The following PLXNC1 variants were observed in gnomAD, a reference collection of about 807,000 sequenced individuals.
PLXNC1 encodes the protein plexin-C1.
PLXNC1 carries 75 observed loss-of-function variants against 178.2 expected under a neutral mutation model. The ratio of observed to expected loss-of-function variants is 0.42; its 90% CI spans 0.35 to 0.51. The LOEUF is 0.51. Among genes scored for constraint, PLXNC1 ranks in the 20% least tolerant of loss-of-function variants. The probability of loss-of-function intolerance (pLI) is 0.02; values close to 1 mark genes in which losing one functional copy is unlikely to be tolerated. For missense variants in PLXNC1, 1,503 were observed against 1,984.4 expected (o/e 0.76, Z 4.61); for synonymous variants, 790 against 779.9 (o/e 1.01, Z -0.22).
chr12:94,301,719 A>G (rs574935875), intron 28 of PLXNC1, among the ~76,000 whole-genome samples: 40 of 150,366 alleles, frequency 2.7e-4, no homozygotes, highest in African/African-American at 9.8e-4. Context: ...ACCTGGAATG[A>G]ATGGAGACTG....
At chr12:94,245,290 C>T (rs994516920) in intron 12 of PLXNC1, among the ~76,000 whole-genome samples, 1 of 152,202 alleles carries the variant, frequency 6.6e-6, no homozygotes, top group Non-Finnish European at 1.5e-5. Context: ...TTTTTGAGCA[C>T]CTACTGCAGG....
intron 4 of PLXNC1, among the ~76,000 whole-genome samples, chr12:94,202,998 G>A (rs1963187915): frequency 6.6e-6 from 1 of 152,182 alleles, no homozygotes. Context: ...GAGTAACCCA[G>A]ATGTTGATGT....
Position 94,303,437 on chromosome 12 carries a change from T to C in PLXNC1, c.4387-319T>C, listed in dbSNP as rs557965058. On this transcript the variant is annotated intron_variant, in intron 28 of 30. Transcript: ENST00000258526. ...TACAACCATTAGTAATGAACTATGA[T>C]TGAAATAAGTTCCATTGTTACAGTA... Among the ~76,000 whole-genome samples, 43 of 152,222 alleles carry C rather than the reference T, an allele frequency of 2.8e-4. 1 individual carries two copies. The highest frequency in any genetic ancestry group is 7.3e-5 in the Non-Finnish European group (5 of 68,034).
intron 9 of PLXNC1, among the ~76,000 whole-genome samples, chr12:94,234,506 T>C (rs1444154063): frequency 6.6e-6 from 1 of 152,246 alleles, no homozygotes; most frequent in Non-Finnish European, 1.5e-5. Flanking sequence ...GTTTATTAAA[T>C]AAGTTCAAAT....
intron 22 of PLXNC1, chr12:94,280,182 A>G: frequency 4.6e-6 from 1 of 215,908 alleles, no homozygotes; most frequent in Non-Finnish European, 9.4e-6. Context: ...CTATGAATTC[A>G]TTTTCGGGCT....
chr12:94,159,143 T>C (rs1457029203), intron 1 of PLXNC1, among the ~76,000 whole-genome samples: 1 of 152,236 alleles, frequency 6.6e-6, no homozygotes, highest in Non-Finnish European at 1.5e-5. Flanking sequence ...TATATCATGG[T>C]AAATAGGGTA....
intron 2 of PLXNC1, 131 bp downstream of exon 2, chr12:94,169,424 C>A: frequency 1.4e-6 from 1 of 703,284 alleles, no homozygotes; most frequent in Non-Finnish European, 2.4e-6. Flanking sequence ...CTTAAAGACC[C>A]CCAGAAATGG....
At chr12:94,241,402 A>G (rs2136052781) in intron 11 of PLXNC1, among the ~76,000 whole-genome samples, 1 of 152,320 alleles carries the variant, frequency 6.6e-6, no homozygotes. Context: ...AATATGCAAT[A>G]AATTATTGTG....
At chr12:94,301,087 G>T in intron 28 of PLXNC1, 30 bp downstream of exon 28, 1 of 1,605,478 alleles carries the variant, frequency 6.2e-7, no homozygotes, top group Non-Finnish European at 8.5e-7. Flanking sequence ...TTTCTTGTAT[G>T]CAGTCTTATG....
chr12:94,149,732 C>G lies in PLXNC1; in HGVS notation c.761C>G (p.Thr254Arg), dbSNP rs1458888920. The change falls in exon 1 of 31, where the codon ACG (threonine) becomes AGG (arginine). Residue 254 changes from threonine (T) to arginine (R), a missense_variant. Thr to Arg is a moderately conservative substitution (Grantham distance 71). This residue lies in a region of PLXNC1 where 615 missense variants were observed against 698.6 expected (regional missense o/e 0.88). Transcript: ENST00000258526. ...TTCCCCTACTACCCCTACAACTACACGAGCGGCGCTGCCACCGGCTGGCCC... is the reference window on the plus strand; with the variant it reads ...TTCCCCTACTACCCCTACAACTACAGGAGCGGCGCTGCCACCGGCTGGCCC... ...IYFPYYPYNY[T>R]SGAATGWPSM... 4 of 1,611,904 alleles carry G rather than the reference C, an allele frequency of 2.5e-6. No individual in the cohort carries two copies. Among genetic ancestry groups the G allele is most frequent in the East Asian group, 2.2e-5 (1 of 44,798 alleles).
chr12:94,211,196 T>G (rs1405447603), intron 5 of PLXNC1, among the ~76,000 whole-genome samples: 5 of 152,194 alleles, frequency 3.3e-5, no homozygotes. Context: ...CGACCACTGG[T>G]GTTTTCTTCC....
intron 23 of PLXNC1, among the ~76,000 whole-genome samples, chr12:94,293,988 C>G (rs1967634926): frequency 6.6e-6 from 1 of 152,050 alleles, no homozygotes; most frequent in Admixed American, 6.6e-5. Flanking sequence ...TAGTCACCTC[C>G]CAAAGGCCCT....
At chr12:94,280,165 G>T in intron 22 of PLXNC1, 1 of 232,130 alleles carries the variant, frequency 4.3e-6, no homozygotes, top group Non-Finnish European at 8.7e-6. Context: ...GTGTGCAGCA[G>T]CATCTGCTAT....
chr12:94,195,025 G>A lies in PLXNC1; in HGVS notation c.1439+8552G>A, dbSNP rs568707872. ...AGGCATTTCAGGCAGAAGAATCAGCGCAGTGAGAGGTCTGTGGAGAGACTG... is the reference window on the plus strand; with the variant it reads ...AGGCATTTCAGGCAGAAGAATCAGCACAGTGAGAGGTCTGTGGAGAGACTG... On this transcript the variant is annotated intron_variant, in intron 4 of 30. Transcript: ENST00000258526. Among the ~76,000 whole-genome samples, 66 of 152,152 alleles carry A rather than the reference G, an allele frequency of 4.3e-4. 2 individuals carry two copies. The South Asian group carries it at 5.4e-3, about 12-fold the overall frequency.
chr12:94,255,059 A>G (rs897174484), intron 16 of PLXNC1, 134 bp from the exon 17 acceptor site: 4 of 908,024 alleles, frequency 4.4e-6, no homozygotes, highest in Non-Finnish European at 6.9e-6. Context: ...TCTTCTCTGC[A>G]GCCAACCAAG....
intron 4 of PLXNC1, among the ~76,000 whole-genome samples, chr12:94,189,950 G>C (rs1483445283): frequency 1.3e-5 from 2 of 152,176 alleles, no homozygotes; most frequent in African/African-American, 4.8e-5. Context: ...GGCTGGGGTG[G>C]TCTGTAATGA....
At chr12:94,190,185 C>T (rs942821662) in intron 4 of PLXNC1, among the ~76,000 whole-genome samples, 1 of 152,090 alleles carries the variant, frequency 6.6e-6, no homozygotes, top group Non-Finnish European at 1.5e-5. Flanking sequence ...GGGAAAGGAA[C>T]AATCAGAGAA....
At chr12:94,281,096 T>C (rs1455158750) in intron 22 of PLXNC1, among the ~76,000 whole-genome samples, 2 of 152,282 alleles carry the variant, frequency 1.3e-5, no homozygotes, top group African/African-American at 4.8e-5. Context: ...CTGGCCAACA[T>C]GGTGAAACTC....
At chr12:94,271,139 C>T (rs892692867) in intron 21 of PLXNC1, among the ~76,000 whole-genome samples, 2 of 152,118 alleles carry the variant, frequency 1.3e-5, no homozygotes, top group South Asian at 2.1e-4. Context: ...GACTTTCATT[C>T]GGCCCTGAAA....
Sources: gnomAD v4.1 joint callset for allele counts (sites outside exome capture counted in the v4.1 genomes callset) on GRCh38, gnomAD v4.1.1 for gene constraint, gnomAD v4.1.1 regional missense constraint, MANE v1.5 for transcripts, NCBI Gene and HGNC (gene_info 2026-07-23, HGNC 2026-07-21) for gene names.